The following BACH2 variants were observed in gnomAD, a reference collection of about 807,000 sequenced individuals.
BACH2 encodes the protein BACH transcriptional regulator 2.
BACH2 carries 5 observed loss-of-function variants against 61.8 expected under a neutral mutation model. The observed-to-expected ratio is 0.08, with a 90% CI of 0.04 to 0.17. The LOEUF (loss-of-function observed/expected upper bound fraction) is 0.17, where lower values mean the gene tolerates loss of function less well. BACH2 is among the 10% of genes least tolerant of loss of function. The pLI is 1.00. For missense variants in BACH2, 824 were observed against 1,091.1 expected, an observed-to-expected ratio of 0.76 and a Z score of 3.45; for synonymous variants, 446 against 440.1, an observed-to-expected ratio of 1.01 and a Z score of -0.17.
At chr6:90,002,184 C>T (rs1777168390) in intron 6 of BACH2, among the ~76,000 whole-genome samples, 1 of 152,132 alleles carries the variant, frequency 6.6e-6, no homozygotes, top group Non-Finnish European at 1.5e-5. Flanking sequence ...GTTGCTTTTC[C>T]TCCCACCTCA....
intron 5 of BACH2, among the ~76,000 whole-genome samples, chr6:90,025,287 T>C (rs900475058): frequency 6.6e-6 from 1 of 152,222 alleles, no homozygotes; most frequent in African/African-American, 2.4e-5. Flanking sequence ...TATATGTTGA[T>C]GCTTGCTTTT....
chr6:90,114,499 T>C (rs1277576901), intron 4 of BACH2, among the ~76,000 whole-genome samples: 4 of 152,064 alleles, frequency 2.6e-5, no homozygotes, highest in African/African-American at 7.2e-5. Context: ...ATAAACTAGG[T>C]AGTGAAGGAA....
chr6:90,220,492 C>G (rs111660906), intron 3 of BACH2, among the ~76,000 whole-genome samples: 6 of 152,186 alleles, frequency 3.9e-5, no homozygotes, highest in African/African-American at 1.4e-4. Flanking sequence ...TTTATTCAGG[C>G]TAACAAGGGT....
intron 8 of BACH2, among the ~76,000 whole-genome samples, chr6:89,936,433 T>C (rs1773027606): frequency 6.6e-6 from 1 of 152,162 alleles, no homozygotes; most frequent in South Asian, 2.1e-4. Context: ...TGAGCCATGG[T>C]GCCCAGCCAT....
intron 4 of BACH2, among the ~76,000 whole-genome samples, chr6:90,108,292 C>T (rs1056672039): frequency 1.3e-5 from 2 of 151,944 alleles, no homozygotes; most frequent in Admixed American, 1.3e-4. Context: ...TTTAATATAC[C>T]CTCCTGGGAA....
At chr6:89,970,598 C>T (rs1775303145) in intron 6 of BACH2, among the ~76,000 whole-genome samples, 1 of 152,152 alleles carries the variant, frequency 6.6e-6, no homozygotes, top group Non-Finnish European at 1.5e-5. Flanking sequence ...CATTTTATTT[C>T]TCAGAAAGGA....
intron 6 of BACH2, among the ~76,000 whole-genome samples, chr6:90,004,364 A>G (rs1777292859): frequency 6.6e-6 from 1 of 152,162 alleles, no homozygotes; most frequent in African/African-American, 2.4e-5. Context: ...ATTTATACCG[A>G]GGAAAACATA....
intron 4 of BACH2, among the ~76,000 whole-genome samples, chr6:90,203,035 T>C (rs972201207): frequency 6.6e-6 from 1 of 152,172 alleles, no homozygotes; most frequent in African/African-American, 2.4e-5. Flanking sequence ...TACTGGCAAA[T>C]ATACTATATG....
At chr6:90,279,895 T>C (rs1009076877) in intron 1 of BACH2, among the ~76,000 whole-genome samples, 1 of 152,224 alleles carries the variant, frequency 6.6e-6, no homozygotes, top group Admixed American at 6.5e-5. Flanking sequence ...AAATGAATCA[T>C]GGATTCCACT....
At chr6:90,090,070 A>T (rs1319151284) in intron 4 of BACH2, among the ~76,000 whole-genome samples, 2 of 152,182 alleles carry the variant, frequency 1.3e-5, no homozygotes, top group African/African-American at 2.4e-5. Flanking sequence ...TTTCAGATAC[A>T]TGCACATACT....
In BACH2 at chr6:90,156,118, A is replaced by G. The variant is rs138974311; in HGVS notation, c.-162+50451T>C. 7.4e-3 allele frequency among the ~76,000 whole-genome samples: 1,125 copies of G among 152,274 alleles called. 11 individuals are homozygous for G. The highest frequency in any genetic ancestry group is 9.9e-3 in the Non-Finnish European group (671 of 68,012). On this transcript the variant is annotated intron_variant, in intron 4 of 8. Transcript: ENST00000257749. ...TCCAGGGGACCTAATCCCAATGTGC[A>G]TGGGGCCCAACCTCCTGACCAGCCT... is the stretch of plus-strand genomic sequence containing the variant.
At chr6:90,009,302 T>C (rs962577180) in intron 5 of BACH2, among the ~76,000 whole-genome samples, 2 of 152,236 alleles carry the variant, frequency 1.3e-5, no homozygotes, top group African/African-American at 2.4e-5. Context: ...AATGTTGTCT[T>C]GATGAAGTAT....
intron 6 of BACH2, among the ~76,000 whole-genome samples, chr6:90,000,065 T>C (rs1777054279): frequency 6.6e-6 from 1 of 152,216 alleles, no homozygotes; most frequent in African/African-American, 2.4e-5. Flanking sequence ...ATTTAAAAAA[T>C]GTAAGAGGTT....
intron 2 of BACH2, among the ~76,000 whole-genome samples, chr6:90,262,120 A>G (rs1771179623): frequency 1.3e-5 from 2 of 152,158 alleles, no homozygotes; most frequent in Non-Finnish European, 2.9e-5. Flanking sequence ...CATGGTACGT[A>G]AGGTCCTTCA....
At chr6:90,122,662 G>A (rs935573682) in intron 4 of BACH2, among the ~76,000 whole-genome samples, 3 of 152,186 alleles carry the variant, frequency 2.0e-5, no homozygotes, top group African/African-American at 7.2e-5. Context: ...TCCCAGGAGA[G>A]CCTGGGCAAA....
At chr6:90,007,492 C>A (rs556064900) in intron 6 of BACH2, among the ~76,000 whole-genome samples, 1 of 152,012 alleles carries the variant, frequency 6.6e-6, no homozygotes, top group African/African-American at 2.4e-5. Flanking sequence ...AATTTAGATG[C>A]CTTTTGGTGG....
At chr6:90,247,150 A>G (rs1460468107) in intron 3 of BACH2, among the ~76,000 whole-genome samples, 1 of 152,238 alleles carries the variant, frequency 6.6e-6, no homozygotes, top group Non-Finnish European at 1.5e-5. Flanking sequence ...GCAGTTTACA[A>G]GGATGAAGCT....
At chr6:90,198,311 T>C (rs182182223) in intron 4 of BACH2, among the ~76,000 whole-genome samples, 1 of 152,158 alleles carries the variant, frequency 6.6e-6, no homozygotes, top group Non-Finnish European at 1.5e-5. Flanking sequence ...GCCCCCATGA[T>C]TCCTTGACTG....
intron 5 of BACH2, among the ~76,000 whole-genome samples, chr6:90,053,474 G>A (rs1441681016): frequency 6.6e-6 from 1 of 151,954 alleles, no homozygotes; most frequent in African/African-American, 2.4e-5. Context: ...TAGAGCTAGG[G>A]TCTCACTGTA....
Sources: allele counts gnomAD v4.1 joint callset (sites outside exome capture counted in the v4.1 genomes callset), GRCh38; gene constraint gnomAD v4.1.1; transcripts MANE v1.5; gene names NCBI Gene and HGNC (gene_info 2026-07-23, HGNC 2026-07-21).